ADAMTSL1: variants seen among roughly 807,000 people sequenced by gnomAD.
ADAMTSL1 encodes ADAMTS like 1.
Under a neutral mutation model 201.8 loss-of-function variants are expected in ADAMTSL1, and 126 were observed. The ratio of observed to expected loss-of-function variants is 0.62; its 90% CI spans 0.54 to 0.72. The LOEUF (loss-of-function observed/expected upper bound fraction) is 0.72, where lower values mean the gene tolerates loss of function less well. Ranked by LOEUF, ADAMTSL1 falls within the 30% of genes least tolerant of loss-of-function variation. ADAMTSL1 has a pLI of 0.00. For synonymous variants in ADAMTSL1, 1,121 were observed against 903.4 expected (o/e 1.24, Z -4.32); for missense variants, 2,679 against 2,277.8 (o/e 1.18, Z -3.59).
At chr9:18,483,636 G>T (rs1821839826) in intron 1 of ADAMTSL1, among the ~76,000 whole-genome samples, 1 of 152,060 alleles carries the variant, frequency 6.6e-6, no homozygotes, top group South Asian at 2.1e-4. Context: ...GACCATCCTC[G>T]CTAACACGGT....
chr9:18,225,426 A>G (rs1382163804), intron 2 of ADAMTSL1, among the ~76,000 whole-genome samples: 1 of 152,204 alleles, frequency 6.6e-6, no homozygotes, highest in Non-Finnish European at 1.5e-5. Flanking sequence ...ATTTCTCCAT[A>G]GTGGATTTTA....
Position 18,505,247 on chromosome 9 carries a change from G to C in ADAMTSL1, c.191+291G>C, listed in dbSNP as rs996031804. Among the ~76,000 whole-genome samples, 10 of 152,220 alleles carry C rather than the reference G, an allele frequency of 6.6e-5. No homozygotes were observed. The South Asian group carries it at 1.9e-3, about 28-fold the overall frequency. On this transcript the variant is annotated intron_variant, in intron 2 of 28. Coordinates refer to ENST00000380548, the MANE Select transcript of ADAMTSL1 (RefSeq NM_001040272.6). ...TCTGTTTTCATGTTAGGACTGGAAG[G>C]AGTATTTATTGTTAGGAATGGTTCT...
chr9:18,243,413 C>T (rs1831142003), intron 2 of ADAMTSL1, among the ~76,000 whole-genome samples: 1 of 152,132 alleles, frequency 6.6e-6, no homozygotes, highest in African/African-American at 2.4e-5. Flanking sequence ...ACCCTGAAGA[C>T]TCTCAAAAAT....
chr9:18,195,451 G>C lies in ADAMTSL1; in HGVS notation c.207+31470G>C, dbSNP rs12005400. ...GTCTTATCTTTCTTATGAGGAGCTA[G>C]GGTCAAGGCTAAGTTCCATGCTTGT... On this transcript the variant is annotated intron_variant, in intron 2 of 29. Transcript: ENST00000680146. Among the ~76,000 whole-genome samples the C allele has an allele frequency of 3.6e-3, 545 of 152,248 alleles. 2 individuals are homozygous for C. Among genetic ancestry groups the C allele is most frequent in the African/African-American group, 0.012 (516 of 41,564 alleles).
At chr9:18,205,478 G>GTAA (rs1829611935) in intron 2 of ADAMTSL1, among the ~76,000 whole-genome samples, 1 of 148,276 alleles carries the variant, frequency 6.7e-6, no homozygotes, top group African/African-American at 2.5e-5. Flanking sequence ...GTAAATCTGG[G>GTAA]AAAAAAAAAC....
intron 1 of ADAMTSL1, among the ~76,000 whole-genome samples, chr9:18,033,369 A>T (rs780502380): frequency 2.6e-5 from 4 of 152,196 alleles, no homozygotes; most frequent in Admixed American, 6.5e-5. Flanking sequence ...AAATACATAT[A>T]ATCTGTGTCA....
chr9:18,643,387 T>C (rs182243344), intron 7 of ADAMTSL1, among the ~76,000 whole-genome samples: 13 of 152,186 alleles, frequency 8.5e-5, no homozygotes, highest in Admixed American at 8.5e-4. Context: ...CTCTGTTGAT[T>C]GTTTCCTTCA....
intron 15 of ADAMTSL1, among the ~76,000 whole-genome samples, chr9:18,735,799 G>A (rs1468654436): frequency 7.2e-6 from 1 of 138,026 alleles, no homozygotes; most frequent in Non-Finnish European, 1.5e-5. Flanking sequence ...CGTCCAGGCT[G>A]GAATGCAGTG....
chr9:18,018,747 A>G (rs1301467815), intron 1 of ADAMTSL1, among the ~76,000 whole-genome samples: 1 of 152,110 alleles, frequency 6.6e-6, no homozygotes, highest in Non-Finnish European at 1.5e-5. Flanking sequence ...ACTTTTAGCC[A>G]GAGGTACTCA....
intron 1 of ADAMTSL1, among the ~76,000 whole-genome samples, chr9:18,018,564 T>C (rs896971575): frequency 6.6e-6 from 1 of 152,056 alleles, no homozygotes; most frequent in East Asian, 1.9e-4. Context: ...TTGATCACTA[T>C]GGGAGAAGCC....
intron 1 of ADAMTSL1, among the ~76,000 whole-genome samples, chr9:18,136,578 G>A (rs1047369603): frequency 9.9e-5 from 15 of 152,042 alleles, no homozygotes; most frequent in African/African-American, 3.4e-4. Flanking sequence ...AAAAGGGCTA[G>A]CTCTGTTTGT....
chr9:18,109,143 C>T (rs1250768220), intron 1 of ADAMTSL1, among the ~76,000 whole-genome samples: 1 of 152,084 alleles, frequency 6.6e-6, no homozygotes. Context: ...TGACAAATTC[C>T]CTCGCCTAAT....
intron 21 of ADAMTSL1, among the ~76,000 whole-genome samples, chr9:18,822,718 G>T (rs574837933): frequency 1.3e-5 from 2 of 152,234 alleles, no homozygotes; most frequent in South Asian, 4.2e-4. Context: ...AATAGTACCT[G>T]CTTCACAGGA....
At chr9:18,907,227 T>A in intron 28 of ADAMTSL1, 1 of 367,164 alleles carries the variant, frequency 2.7e-6, no homozygotes, top group Non-Finnish European at 5.0e-6. Flanking sequence ...GCCCACAGGG[T>A]CTGACTCATC....
chr9:18,183,893 T>C (rs1213627876), intron 2 of ADAMTSL1, among the ~76,000 whole-genome samples: 1 of 152,216 alleles, frequency 6.6e-6, no homozygotes, highest in Non-Finnish European at 1.5e-5. Context: ...AAATTTTATA[T>C]AGTTGAAACA....
chr9:18,536,866 C>A lies in ADAMTSL1; in HGVS notation c.237+3574C>A, dbSNP rs147763108. ...TTCATGTTAAACCTCAAATTTGAACCCCTTGAACTTAATTAGGGATTTTAA... is the reference window on the plus strand; with the variant it reads ...TTCATGTTAAACCTCAAATTTGAACACCTTGAACTTAATTAGGGATTTTAA... On this transcript the variant is annotated intron_variant, in intron 3 of 28. Transcript: ENST00000380548. Among the ~76,000 whole-genome samples the A allele has an allele frequency of 3.9e-5, 6 of 152,194 alleles. No individual in the cohort carries two copies. The East Asian group carries it at 1.2e-3, about 29-fold the overall frequency.
chr9:18,831,427 T>C (rs973566757), intron 23 of ADAMTSL1, among the ~76,000 whole-genome samples: 2 of 152,198 alleles, frequency 1.3e-5, no homozygotes, highest in South Asian at 4.1e-4. Context: ...GTGGCAGCAA[T>C]TGTTTATTTT....
At chr9:18,175,014 T>C (rs373964419) in intron 2 of ADAMTSL1, among the ~76,000 whole-genome samples, 7 of 152,298 alleles carry the variant, frequency 4.6e-5, no homozygotes, top group African/African-American at 1.4e-4. Flanking sequence ...ACGTTTCTTT[T>C]GCTAAGAGAA....
At chr9:18,378,044 A>G (rs999476762) in intron 2 of ADAMTSL1, among the ~76,000 whole-genome samples, 8 of 152,116 alleles carry the variant, frequency 5.3e-5, no homozygotes, top group African/African-American at 1.7e-4. Flanking sequence ...CGATGATGAG[A>G]ACTTGATTCT....
Sources: gnomAD v4.1 joint callset for allele counts (sites outside exome capture counted in the v4.1 genomes callset) on GRCh38, gnomAD v4.1.1 for gene constraint, MANE v1.5 for transcripts, NCBI Gene and HGNC (gene_info 2026-07-23, HGNC 2026-07-21) for gene names.